Variants in YAE1 observed in about 807,000 individuals in gnomAD.
YAE1 encodes YAE1 maturation factor of ABCE1.
Under a neutral mutation model 23.0 loss-of-function variants are expected in YAE1, and 22 were observed. The observed-to-expected ratio is 0.96, with a 90% CI of 0.68 to 1.37. The LOEUF is 1.37. Among genes scored for constraint, YAE1 ranks in the 40% most tolerant of loss-of-function variants. The pLI is 0.00. For missense variants in YAE1, 260 were observed against 262.1 expected (o/e 0.99, Z 0.06); for synonymous variants, 101 against 97.0 (o/e 1.04, Z -0.24).
chr7:39,578,187 C>T (rs929389448), intron 2 of YAE1, among the ~76,000 whole-genome samples: 4 of 151,596 alleles, frequency 2.6e-5, no homozygotes, highest in South Asian at 2.1e-4. Context: ...GTTCAAGCAG[C>T]GCTCTGTGTC....
At chr7:39,570,084 A>T in intron 1 of YAE1, 1 of 1,167,018 alleles carries the variant, frequency 8.6e-7, no homozygotes. Context: ...AGCTCTCTCC[A>T]GTTCTTGTCT....
At chr7:39,609,541 T>C in intron 2 of YAE1, 1 of 1,484,436 alleles carries the variant, frequency 6.7e-7, no homozygotes, top group Non-Finnish European at 9.0e-7. Context: ...GTTATCGAAT[T>C]GGGAGAATGG....
chr7:39,570,671 C>A, intron 2 of YAE1, 44 bp downstream of exon 2: 1 of 1,552,340 alleles, frequency 6.4e-7, no homozygotes, highest in Non-Finnish European at 8.6e-7. Flanking sequence ...AACCTCAATA[C>A]TACTGGAGGA....
chr7:39,583,620 A>T (rs972885056), intron 2 of YAE1, among the ~76,000 whole-genome samples: 7 of 152,188 alleles, frequency 4.6e-5, no homozygotes, highest in African/African-American at 1.7e-4. Context: ...CTTTGCCATT[A>T]TTTTGTACAT....
intron 1 of YAE1, chr7:39,570,101 A>C (rs921392581): frequency 9.6e-7 from 1 of 1,044,134 alleles, no homozygotes; most frequent in African/African-American, 1.6e-5. Flanking sequence ...GTCTGTGATG[A>C]TGCGTACGTT....
intron 2 of YAE1, among the ~76,000 whole-genome samples, chr7:39,591,396 T>C (rs1259313804): frequency 6.6e-6 from 1 of 152,218 alleles, no homozygotes; most frequent in Non-Finnish European, 1.5e-5. Flanking sequence ...TTTTAAGCAT[T>C]TTTTATGGGT....
At position 39,572,819 on chromosome 7, in the gene YAE1, G is replaced by A. The variant is rs753380443; in HGVS notation, c.*113G>A. On this transcript the variant is annotated 3_prime_UTR_variant, in exon 3 of 3. Coordinates refer to ENST00000223273, the MANE Select transcript of YAE1 (RefSeq NM_020192.5). ...CCTCAACTGTAGGGTTACCCTTTAT[G>A]GAAGTTTGAAATTAACACTATTGTC... 17 of 1,414,734 alleles carry A rather than the reference G, an allele frequency of 1.2e-5. No individual in the cohort carries two copies. Among genetic ancestry groups the A allele is most frequent in the Non-Finnish European group, 1.6e-5 (17 of 1,088,264 alleles). The allele number at this position is 1,414,734 out of a possible 1,614,324, so 87.6% of individuals were successfully genotyped here.
intron 1 of YAE1, chr7:39,569,408 G>A: frequency 2.2e-6 from 1 of 464,208 alleles, no homozygotes; most frequent in Non-Finnish European, 4.2e-6. Flanking sequence ...CCCAGAGAGT[G>A]TTGTGTTATG....
intron 2 of YAE1, among the ~76,000 whole-genome samples, chr7:39,588,251 C>CCCAACACTTTAGGAGG (rs1790848955): frequency 2.0e-5 from 3 of 152,212 alleles, no homozygotes; most frequent in Admixed American, 2.0e-4. Flanking sequence ...GTGGCTCACG[C>CCCAACACTTTAGGAGG]CTGTAATCCC....
At chr7:39,594,010 T>G (rs1285810801) in intron 2 of YAE1, among the ~76,000 whole-genome samples, 1 of 152,224 alleles carries the variant, frequency 6.6e-6, no homozygotes, top group Non-Finnish European at 1.5e-5. Context: ...GGTCAGTGAA[T>G]GATAAATTGG....
intron 2 of YAE1, among the ~76,000 whole-genome samples, chr7:39,578,598 A>C (rs1324839972): frequency 6.6e-6 from 1 of 152,146 alleles, no homozygotes. Context: ...GCGCTGCCTT[A>C]TGAGCTGCAA....
exon 3 of YAE1, chr7:39,610,046 C>T (rs1453871223): frequency 2.0e-6 from 3 of 1,470,574 alleles, no homozygotes; most frequent in Non-Finnish European, 2.7e-6. Flanking sequence ...GTCCTCAGCA[C>T]CCAGCACCCA....
intron 1 of YAE1, chr7:39,570,149 A>G (rs1790541865): frequency 2.5e-6 from 2 of 784,350 alleles, no homozygotes; most frequent in South Asian, 1.6e-5. Flanking sequence ...ACCCCCAAGC[A>G]ACAGTACCAG....
intron 1 of YAE1, among the ~76,000 whole-genome samples, chr7:39,569,175 G>C (rs1420089724): frequency 6.6e-6 from 1 of 152,126 alleles, no homozygotes; most frequent in African/African-American, 2.4e-5. Context: ...TAGAGAACTA[G>C]TTAAACCACC....
chr7:39,609,836 T>C (rs942003742), exon 3 of YAE1: 25 of 1,532,946 alleles, frequency 1.6e-5, no homozygotes, highest in Non-Finnish European at 2.0e-5. Flanking sequence ...CCCCAGGCCC[T>C]GGGACGCCGA....
chr7:39,570,606 G>C lies in YAE1; in HGVS notation c.230G>C (p.Gly77Ala). 1 of 1,601,780 alleles carries C rather than the reference G, an allele frequency of 6.2e-7. No individual in the cohort carries two copies. The highest frequency in any genetic ancestry group is 2.2e-5 in the East Asian group (1 of 44,696). Residue 77 changes from glycine (G) to alanine (A), a missense_variant, in exon 2 of 3, where the codon GGA becomes GCA. By Grantham distance (60) the Gly-to-Ala change is moderately conservative. Transcript: ENST00000223273. ...GGTGCAGAAGTCATTTTAAACTATG[G>C]ACGACTCCGAGGAACATTGAGGTAA... ...KKGAEVILNY[G>A]RLRGTLSALL...
chr7:39,606,013 C>A (rs575071698), intron 2 of YAE1, among the ~76,000 whole-genome samples: 67 of 151,430 alleles, frequency 4.4e-4, no homozygotes, highest in African/African-American at 1.5e-3. Flanking sequence ...GCTACAAGGT[C>A]TTTTGCCCTA....
chr7:39,569,981 C>T (rs1274230447), intron 1 of YAE1: 2 of 1,358,746 alleles, frequency 1.5e-6, no homozygotes, highest in African/African-American at 2.9e-5. Flanking sequence ...CAGATCTTCT[C>T]CCCATTCAGC....
At chr7:39,599,161 ACC>A (rs1168907774) in intron 2 of YAE1, among the ~76,000 whole-genome samples, 1 of 151,944 alleles carries the variant, frequency 6.6e-6, no homozygotes, top group Non-Finnish European at 1.5e-5. Context: ...AATCACTTGA[ACC>A]CAGGAGGCAC....
Sources: gnomAD v4.1 joint callset for allele counts (sites outside exome capture counted in the v4.1 genomes callset) on GRCh38, gnomAD v4.1.1 for gene constraint, MANE v1.5 for transcripts, NCBI Gene and HGNC (gene_info 2026-07-23, HGNC 2026-07-21) for gene names.